The following SCHIP1 variants were observed in gnomAD, a reference collection of about 807,000 sequenced individuals.
The protein encoded by SCHIP1 is schwannomin-interacting protein 1.
Under a neutral mutation model 29.7 loss-of-function variants are expected in SCHIP1, and 8 were observed. That is an observed-to-expected ratio of 0.27 (90% CI 0.16 to 0.49). The LOEUF is 0.49. Ranked by LOEUF, SCHIP1 falls within the 20% of genes least tolerant of loss-of-function variation. The pLI, the probability that SCHIP1 is intolerant of heterozygous loss-of-function variation, is 0.99. For synonymous variants in SCHIP1, 76 were observed against 94.9 expected, an observed-to-expected ratio of 0.80 and a Z score of 1.16; for missense variants, 193 against 294.6, an observed-to-expected ratio of 0.66 and a Z score of 2.52.
the SCHIP1 span, among the ~76,000 whole-genome samples, chr3:159,317,455 C>T: frequency 6.6e-6 from 1 of 152,154 alleles, no homozygotes; most frequent in African/African-American, 2.4e-5. Context: ...TGAGTGTTGC[C>T]ACTTCCACTT....
At chr3:159,468,080 G>T in the SCHIP1 span, among the ~76,000 whole-genome samples, 1 of 152,050 alleles carries the variant, frequency 6.6e-6, no homozygotes, top group African/African-American at 2.4e-5. Flanking sequence ...GGAAAATTTG[G>T]TTTATTTGTC....
At chr3:159,610,717 G>T in the SCHIP1 span, among the ~76,000 whole-genome samples, 1 of 151,948 alleles carries the variant, frequency 6.6e-6, no homozygotes, top group Non-Finnish European at 1.5e-5. Flanking sequence ...TTGGACCAGA[G>T]GTCTGGTATA....
chr3:159,722,065 T>C, the SCHIP1 span: 1 of 365,300 alleles, frequency 2.7e-6, no homozygotes. Context: ...CTTCAGTTGG[T>C]TTCTGCAGAA....
the SCHIP1 span, among the ~76,000 whole-genome samples, chr3:159,794,681 A>G: frequency 5.9e-5 from 9 of 152,202 alleles, no homozygotes; most frequent in African/African-American, 1.7e-4. Flanking sequence ...CATGTAAGAT[A>G]TCATTCTGAG....
intron 1 of SCHIP1, 68 bp from the exon 3 acceptor site, chr3:159,866,095 G>A: frequency 7.3e-7 from 1 of 1,375,726 alleles, no homozygotes; most frequent in Non-Finnish European, 1.0e-6. Context: ...AACTTAGCAA[G>A]TTAGACTGCC....
the SCHIP1 span, among the ~76,000 whole-genome samples, chr3:159,448,296 C>G: frequency 6.6e-6 from 1 of 152,032 alleles, no homozygotes; most frequent in Non-Finnish European, 1.5e-5. Flanking sequence ...CATAGTGAAA[C>G]CCTGTCTCTA....
the SCHIP1 span, among the ~76,000 whole-genome samples, chr3:159,623,454 C>T: frequency 1.3e-5 from 2 of 151,986 alleles, no homozygotes; most frequent in Admixed American, 6.6e-5. Flanking sequence ...GGTGAAACCA[C>T]GTCTCTACTA....
the SCHIP1 span, among the ~76,000 whole-genome samples, chr3:159,370,190 G>C: frequency 6.6e-6 from 1 of 152,178 alleles, no homozygotes; most frequent in Admixed American, 6.5e-5. Flanking sequence ...AGTAGCTGTT[G>C]AGGCTGTAGA....
At chr3:159,373,821 A>G in the SCHIP1 span, among the ~76,000 whole-genome samples, 1 of 152,106 alleles carries the variant, frequency 6.6e-6, no homozygotes, top group Non-Finnish European at 1.5e-5. Flanking sequence ...AAAATTATTC[A>G]TTTGTTGATG....
the SCHIP1 span, among the ~76,000 whole-genome samples, chr3:159,632,351 ACT>A: frequency 6.6e-6 from 1 of 152,128 alleles, no homozygotes; most frequent in African/African-American, 2.4e-5. Context: ...GGCCTGAAGG[ACT>A]CTGCAGAGAT....
chr3:159,660,574 A>T, the SCHIP1 span, among the ~76,000 whole-genome samples: 3 of 152,192 alleles, frequency 2.0e-5, no homozygotes, highest in Admixed American at 2.0e-4. Flanking sequence ...CATAAAACAT[A>T]TGCACACATA....
the SCHIP1 span, among the ~76,000 whole-genome samples, chr3:159,379,943 T>C: frequency 6.6e-6 from 1 of 152,154 alleles, no homozygotes; most frequent in African/African-American, 2.4e-5. Flanking sequence ...CTCAACTATA[T>C]TTTCTCTTTG....
At chr3:159,584,191 T>C in the SCHIP1 span, among the ~76,000 whole-genome samples, 1 of 152,200 alleles carries the variant, frequency 6.6e-6, no homozygotes, top group Non-Finnish European at 1.5e-5. Flanking sequence ...AAAAACCCTT[T>C]TGTTATTTAG....
the SCHIP1 span, among the ~76,000 whole-genome samples, chr3:159,680,809 T>C: frequency 1.2e-4 from 17 of 137,912 alleles, no homozygotes; most frequent in South Asian, 4.4e-4. Context: ...TTCTTTGGGG[T>C]TTTACCCAAA....
the SCHIP1 span, among the ~76,000 whole-genome samples, chr3:159,618,136 C>T: frequency 6.6e-6 from 1 of 152,284 alleles, no homozygotes; most frequent in Non-Finnish European, 1.5e-5. Flanking sequence ...GTACTTTCCA[C>T]CTTAAATATG....
the SCHIP1 span, among the ~76,000 whole-genome samples, chr3:159,474,130 C>T: frequency 1.3e-5 from 2 of 152,252 alleles, no homozygotes; most frequent in African/African-American, 4.8e-5. Context: ...TTATTCTCCA[C>T]TATCTGTTTG....
the SCHIP1 span, among the ~76,000 whole-genome samples, chr3:159,829,317 G>A: frequency 6.6e-6 from 1 of 152,142 alleles, no homozygotes; most frequent in East Asian, 1.9e-4. Context: ...GAAACCCAGG[G>A]TTGCTGGAGA....
chr3:159,749,534 C>T, the SCHIP1 span, among the ~76,000 whole-genome samples: 1 of 152,152 alleles, frequency 6.6e-6, no homozygotes, highest in Non-Finnish European at 1.5e-5. Flanking sequence ...CAGCTCCCAT[C>T]TTGCACTAGG....
the SCHIP1 span, among the ~76,000 whole-genome samples, chr3:159,532,786 C>T: frequency 5.6e-4 from 86 of 152,234 alleles, no homozygotes; most frequent in African/African-American, 2.0e-3. Context: ...TTGTTGATGA[C>T]ATCACTAGAA....
Sources: gnomAD v4.1 joint callset for allele counts (sites outside exome capture counted in the v4.1 genomes callset) on GRCh38, gnomAD v4.1.1 for gene constraint, MANE v1.5 for transcripts, NCBI Gene and HGNC (gene_info 2026-07-23, HGNC 2026-07-21) for gene names.